Variants in GOLPH3L observed in about 807,000 individuals in gnomAD.
The protein encoded by GOLPH3L is golgi phosphoprotein 3 like.
Under a neutral mutation model 30.3 loss-of-function variants are expected in GOLPH3L, and 22 were observed. That is an observed-to-expected ratio of 0.73 (90% confidence interval 0.52 to 1.04). GOLPH3L has a LOEUF of 1.04. GOLPH3L is among the 50% of genes least tolerant of loss of function. The pLI is 0.00. For synonymous variants in GOLPH3L, 120 were observed against 128.2 expected, an observed-to-expected ratio of 0.94 and a Z score of 0.43; for missense variants, 303 against 345.8, an observed-to-expected ratio of 0.88 and a Z score of 0.98.
chr1:150,696,023 T>C (rs1218611421), intron 1 of GOLPH3L, among the ~76,000 whole-genome samples: 1 of 152,188 alleles, frequency 6.6e-6, no homozygotes, highest in African/African-American at 2.4e-5. Flanking sequence ...AATCTAGATA[T>C]CAGTTTTTAA....
At chr1:150,674,313 TG>T (rs1650721511) in intron 2 of GOLPH3L, among the ~76,000 whole-genome samples, 1 of 150,764 alleles carries the variant, frequency 6.6e-6, no homozygotes, top group Non-Finnish European at 1.5e-5. Flanking sequence ...CAGGCTGGAG[TG>T]CAGTGGCATG....
chr1:150,673,010 T>C (rs1411804094), intron 2 of GOLPH3L, among the ~76,000 whole-genome samples: 2 of 151,978 alleles, frequency 1.3e-5, no homozygotes, highest in African/African-American at 4.8e-5. Flanking sequence ...TTTTTTTCCT[T>C]ATCAAAAGTT....
intron 4 of GOLPH3L, among the ~76,000 whole-genome samples, chr1:150,657,363 A>G (rs973643422): frequency 6.6e-6 from 1 of 152,262 alleles, no homozygotes; most frequent in Non-Finnish European, 1.5e-5. Flanking sequence ...AAGCAGATAC[A>G]GCATTACCTG....
At position 150,694,811 on chromosome 1, in the gene GOLPH3L, G is replaced by A. The variant is rs1026980492; in HGVS notation, c.28C>T (p.Arg10Cys). ...TCAGAGTTCTTGCTTATTTCAGTGC[G>A]ACGGGCCCGGTGAGTTAAAGTGGTC... MTTLTHRAR[R>C]TEISKNSEKK... Residue 10 changes from arginine to cysteine, a missense_variant, in exon 2 of 5, where the codon CGC becomes TGC. Physicochemically the swap from Arg to Cys is radical, Grantham distance 180. Coordinates refer to ENST00000271732, the MANE Select transcript of GOLPH3L (RefSeq NM_018178.6). 27 of 1,612,012 alleles carry A rather than the reference G, an allele frequency of 1.7e-5. No individual in the cohort carries two copies. Among genetic ancestry groups the A allele is most frequent in the African/African-American group, 8.0e-5 (6 of 74,764 alleles).
chr1:150,648,328 T>G lies in GOLPH3L; in HGVS notation c.851A>C (p.Lys284Thr). ...MIWAVLAAFN[K>T]S ...GAAATCCACCTGCCGGCTTTAAGATTTATTGAAGGCTGCCAGCACAGCCCA... is the reference window on the plus strand; with the variant it reads ...GAAATCCACCTGCCGGCTTTAAGATGTATTGAAGGCTGCCAGCACAGCCCA... The change falls in exon 5 of 5, where the codon AAA becomes ACA. Residue 284 changes from lysine (K) to threonine (T), a missense_variant. Coordinates refer to ENST00000271732, the MANE Select transcript of GOLPH3L (RefSeq NM_018178.6). 1.3e-6 allele frequency: 2 copies of G among 1,589,194 alleles called. No homozygotes were observed. Among genetic ancestry groups the G allele is most frequent in the Non-Finnish European group, 1.7e-6 (2 of 1,165,004 alleles).
chr1:150,691,537 A>C (rs1030335387), intron 2 of GOLPH3L, among the ~76,000 whole-genome samples: 1 of 151,830 alleles, frequency 6.6e-6, no homozygotes, highest in Admixed American at 6.6e-5. Context: ...CAAAAACAAA[A>C]ACAAAACTAT....
At chr1:150,662,815 AAAG>A (rs1337435463) in intron 3 of GOLPH3L, among the ~76,000 whole-genome samples, 1 of 152,214 alleles carries the variant, frequency 6.6e-6, no homozygotes, top group Non-Finnish European at 1.5e-5. Context: ...CAAAGACTGA[AAAG>A]AAGCTGGTGA....
intron 4 of GOLPH3L, among the ~76,000 whole-genome samples, chr1:150,651,642 C>CAAAAAAAAAAAAAAAAAAAAAAATAA (rs59940841): frequency 4.9e-5 from 3 of 60,850 alleles, no homozygotes; most frequent in African/African-American, 7.2e-5. Flanking sequence ...GAGCGAAACT[C>CAAAAAAAAAAAAAAAAAAAAAAATAA]AAAAAAAAAA....
Position 150,661,730 on chromosome 1 carries a change from A to G in GOLPH3L, c.430+84T>C, listed in dbSNP as rs887050076. 6 of 758,356 alleles carry G rather than the reference A, an allele frequency of 7.9e-6. No homozygotes were observed. In the African/African-American group the frequency reaches 1.0e-4, roughly 13 times the overall value. 47.0% of individuals were successfully genotyped at this position (758,356 alleles called of 1,614,324 possible). A position where few individuals can be genotyped will look rare whatever the true frequency, so the allele number is the denominator to read the frequency against. ...ACATCTATCTCATCCAGCACGATGA[A>G]TTTCGGTACATCTTTTACTAAATTT... On this transcript the variant is annotated intron_variant, in intron 4 of 4. Transcript: ENST00000271732.
intron 2 of GOLPH3L, 154 bp downstream of exon 2, chr1:150,694,502 G>C: frequency 1.9e-6 from 1 of 525,462 alleles, no homozygotes; most frequent in Non-Finnish European, 3.3e-6. Flanking sequence ...TACCCTCCAA[G>C]TATCGGTCAC....
At chr1:150,677,128 T>C (rs771028083) in intron 2 of GOLPH3L, among the ~76,000 whole-genome samples, 8 of 151,078 alleles carry the variant, frequency 5.3e-5, no homozygotes, top group Non-Finnish European at 8.9e-5. Context: ...TGGAGTGCAG[T>C]GGCGCGATCT....
rs749548190 is a variant in GOLPH3L, at chr1:150,647,683, G to T, written c.*638C>A. On this transcript the variant is annotated 3_prime_UTR_variant, in exon 5 of 5. Transcript: ENST00000271732. Reference sequence around the variant, plus strand: ...TGAGGGAGCAAGAGAATGCTAAGAGGGATGAGAGAATATATTTCTGGCTCT... The same window carrying T: ...TGAGGGAGCAAGAGAATGCTAAGAGTGATGAGAGAATATATTTCTGGCTCT... The T allele has an allele frequency of 1.3e-5, 2 of 152,578 alleles. No homozygotes were observed. Among genetic ancestry groups the T allele is most frequent in the Non-Finnish European group, 2.9e-5 (2 of 68,066 alleles). The allele number at this position is 152,578 out of a possible 1,614,324, so 9.5% of individuals were successfully genotyped here. A position where few individuals can be genotyped will look rare whatever the true frequency, so the allele number is the denominator to read the frequency against.
At chr1:150,679,945 A>T (rs1040784725) in intron 2 of GOLPH3L, among the ~76,000 whole-genome samples, 3 of 152,150 alleles carry the variant, frequency 2.0e-5, no homozygotes, top group Admixed American at 2.0e-4. Flanking sequence ...TCTCTATTTT[A>T]AAAAAAGAAT....
At chr1:150,684,812 C>T (rs1458233989) in intron 2 of GOLPH3L, among the ~76,000 whole-genome samples, 1 of 152,044 alleles carries the variant, frequency 6.6e-6, no homozygotes, top group Non-Finnish European at 1.5e-5. Context: ...GGATTACGGG[C>T]ATGCACTACC....
At chr1:150,662,591 G>A (rs937912600) in intron 3 of GOLPH3L, among the ~76,000 whole-genome samples, 8 of 152,094 alleles carry the variant, frequency 5.3e-5, no homozygotes, top group Non-Finnish European at 2.9e-5. Flanking sequence ...GGTGACAGAC[G>A]AAGCTATAAA....
At chr1:150,688,116 G>A (rs936835132) in intron 2 of GOLPH3L, among the ~76,000 whole-genome samples, 2 of 152,234 alleles carry the variant, frequency 1.3e-5, no homozygotes, top group Non-Finnish European at 2.9e-5. Context: ...GCAGGCATAA[G>A]AGAAGCCTTC....
At chr1:150,681,942 T>G (rs940896004) in intron 2 of GOLPH3L, among the ~76,000 whole-genome samples, 10 of 152,000 alleles carry the variant, frequency 6.6e-5, no homozygotes, top group African/African-American at 2.4e-4. Context: ...GGCAGGCGCC[T>G]GTAATCCCAT....
At chr1:150,683,531 C>CA (rs35646727) in intron 2 of GOLPH3L, among the ~76,000 whole-genome samples, 5,142 of 55,488 alleles carry the variant, frequency 0.093, 368 homozygotes, top group African/African-American at 0.13. Flanking sequence ...GACTCTGTCT[C>CA]AAAAAAAAAA....
intron 2 of GOLPH3L, among the ~76,000 whole-genome samples, chr1:150,683,167 C>T (rs587766371): frequency 1.3e-5 from 2 of 152,160 alleles, no homozygotes; most frequent in Admixed American, 6.5e-5. Flanking sequence ...TTTGGGAGGC[C>T]GAGGCAGGCA....
Sources: allele counts gnomAD v4.1 joint callset (sites outside exome capture counted in the v4.1 genomes callset), GRCh38; gene constraint gnomAD v4.1.1; transcripts MANE v1.5; gene names NCBI Gene and HGNC (gene_info 2026-07-23, HGNC 2026-07-21).